Variants in BPIFA2 observed in about 807,000 individuals in gnomAD.
The protein encoded by BPIFA2 is BPI fold-containing family A member 2.
In BPIFA2, 20 loss-of-function variants were observed where a neutral mutation model predicts 25.7. The observed-to-expected ratio is 0.78, with a 90% confidence interval of 0.55 to 1.13. The LOEUF (loss-of-function observed/expected upper bound fraction) is 1.13. Among genes scored for constraint, BPIFA2 ranks in the 50% most tolerant of loss-of-function variants. The pLI is 0.00. For missense variants in BPIFA2, 300 were observed against 298.1 expected (o/e 1.01, Z -0.05); for synonymous variants, 126 against 124.3 (o/e 1.01, Z -0.09).
chr20:33,163,218 T>A (rs1037908008), upstream of BPIFA2, among the ~76,000 whole-genome samples: 1 of 152,178 alleles, frequency 6.6e-6, no homozygotes, highest in African/African-American at 2.4e-5. Flanking sequence ...CTGGGTCTCA[T>A]CTACATTCAT....
chr20:33,178,280 G>A (rs748022397), intron 6 of BPIFA2, 52 bp downstream of exon 6: 12 of 1,415,382 alleles, frequency 8.5e-6, no homozygotes, highest in Non-Finnish European at 8.9e-6. Flanking sequence ...GGGGCAGGTG[G>A]GGGAATTTGC....
intron 5 of BPIFA2, 75 bp from the exon 6 acceptor site, chr20:33,178,072 C>T (rs907450806): frequency 5.4e-6 from 6 of 1,112,706 alleles, no homozygotes; most frequent in African/African-American, 3.1e-5. Context: ...TTTCCCGCAC[C>T]GCCCCCAACT....
At chr20:33,171,249 G>GTT (rs541002599) in intron 2 of BPIFA2, among the ~76,000 whole-genome samples, 1 of 151,442 alleles carries the variant, frequency 6.6e-6, no homozygotes. Flanking sequence ...ATTTAAAGTA[G>GTT]TTTTTTTTTC....
intron 5 of BPIFA2, among the ~76,000 whole-genome samples, chr20:33,177,860 G>A (rs1156352274): frequency 6.6e-6 from 1 of 152,214 alleles, no homozygotes; most frequent in African/African-American, 2.4e-5. Flanking sequence ...TCAGGGCCCA[G>A]CTAGGTTCCT....
chr20:33,166,473 T>G (rs1016721608), upstream of BPIFA2, among the ~76,000 whole-genome samples: 3 of 152,222 alleles, frequency 2.0e-5, no homozygotes, highest in Admixed American at 1.3e-4. Context: ...GGGCCTACCC[T>G]ATGCTAAGCC....
At chr20:33,178,388 G>A (rs1439765253) in intron 6 of BPIFA2, among the ~76,000 whole-genome samples, 160 bp downstream of exon 6, 2 of 152,146 alleles carry the variant, frequency 1.3e-5, no homozygotes, top group East Asian at 1.9e-4. Context: ...CAGCCTGGTG[G>A]GTAGCAGGGT....
intron 5 of BPIFA2, among the ~76,000 whole-genome samples, chr20:33,177,216 G>A (rs1984108849): frequency 6.6e-6 from 1 of 152,086 alleles, no homozygotes; most frequent in Non-Finnish European, 1.5e-5. Context: ...TTAGCCGGGG[G>A]TGGTGGCGGT....
chr20:33,178,921 G>C (rs1415182173), intron 6 of BPIFA2, among the ~76,000 whole-genome samples: 1 of 152,176 alleles, frequency 6.6e-6, no homozygotes, highest in Admixed American at 6.5e-5. Context: ...GTACACACAG[G>C]AGCAAGAGAT....
rs918402037 is a variant in BPIFA2, at chr20:33,173,190, G to A, written c.302+114G>A. On this transcript the variant is annotated intron_variant, in intron 3 of 8. Coordinates refer to ENST00000354932, the MANE Select transcript of BPIFA2 (RefSeq NM_080574.4). ...GGACAAGCCTCATTCCCCTCCCACA[G>A]AGCCAAGGTGGTCTGAGCAAGGCCA... 5 of 1,326,136 alleles carry A rather than the reference G, an allele frequency of 3.8e-6. No individual in the cohort carries two copies. In the African/African-American group the frequency reaches 4.4e-5, roughly 12 times the overall value. 82.1% of individuals were successfully genotyped at this position (1,326,136 alleles called of 1,614,324 possible). A position where few individuals can be genotyped will look rare whatever the true frequency, so the allele number is the denominator to read the frequency against.
chr20:33,172,829 G>A, intron 2 of BPIFA2, 103 bp from the exon 3 acceptor site: 1 of 1,276,250 alleles, frequency 7.8e-7, no homozygotes, highest in Non-Finnish European at 1.1e-6. Context: ...TTGTTATAAA[G>A]ATTAAATGAA....
chr20:33,169,286 T>G lies in BPIFA2; in HGVS notation c.141T>G (p.Val47=). The G allele has an allele frequency of 6.2e-7, 1 of 1,614,072 alleles. No individual in the cohort carries two copies. The highest frequency in any genetic ancestry group is 2.2e-5 in the East Asian group (1 of 44,888). Reference sequence around the variant, plus strand: ...TTCTTCACGAGGGACTTGAGACAGTTGACAATACTCTTAAAGGTAAATCAA... The same window carrying G: ...TTCTTCACGAGGGACTTGAGACAGTGGACAATACTCTTAAAGGTAAATCAA... ...EPVLHEGLET[V]DNTLKGILEK... Residue 47 remains valine, a synonymous_variant, in exon 2 of 9, where the codon GTT becomes GTG. Transcript: ENST00000354932.
intron 1 of BPIFA2, among the ~76,000 whole-genome samples, chr20:33,162,279 C>A (rs760309483): frequency 2.0e-5 from 3 of 152,206 alleles, no homozygotes; most frequent in Non-Finnish European, 2.9e-5. Flanking sequence ...CTGTGCCCAG[C>A]CTCTCCCATG....
At chr20:33,175,154 CTAT>C (rs1984030532) in intron 4 of BPIFA2, among the ~76,000 whole-genome samples, 1 of 152,100 alleles carries the variant, frequency 6.6e-6, no homozygotes, top group Admixed American at 6.5e-5. Context: ...TAAATGTTAA[CTAT>C]TATTATTTTA....
At chr20:33,170,438 G>T (rs1304310520) in intron 2 of BPIFA2, among the ~76,000 whole-genome samples, 1 of 151,976 alleles carries the variant, frequency 6.6e-6, no homozygotes, top group Non-Finnish European at 1.5e-5. Flanking sequence ...TTGAGACAAG[G>T]TCTCACTCTG....
chr20:33,168,619 G>A lies in BPIFA2; in HGVS notation c.-16+410G>A, dbSNP rs565797139. Reference sequence around the variant, plus strand: ...TACTAGGTGCAGGCTTTTTACTGGCGCCTGAGGATTCGACAGTGAAATAAG... The same window carrying A: ...TACTAGGTGCAGGCTTTTTACTGGCACCTGAGGATTCGACAGTGAAATAAG... On this transcript the variant is annotated intron_variant, in intron 1 of 8. Transcript: ENST00000354932. Among the ~76,000 whole-genome samples, 17 of 152,298 alleles carry A rather than the reference G, an allele frequency of 1.1e-4. No homozygotes were observed. The South Asian group carries it at 1.7e-3, about 15-fold the overall frequency.
At chr20:33,167,411 G>C (rs773576754), upstream of BPIFA2, among the ~76,000 whole-genome samples, 1 of 152,156 alleles carries the variant, frequency 6.6e-6, no homozygotes, top group Non-Finnish European at 1.5e-5. Context: ...TCTGCTAACT[G>C]ACCTCAGCCT....
chr20:33,177,711 T>C (rs1984130168), intron 5 of BPIFA2, among the ~76,000 whole-genome samples: 1 of 151,936 alleles, frequency 6.6e-6, no homozygotes, highest in South Asian at 2.1e-4. Flanking sequence ...CCTGAGGAGG[T>C]GGCAATTATA....
intron 5 of BPIFA2, 69 bp from the exon 6 acceptor site, chr20:33,178,078 C>T: frequency 8.0e-7 from 1 of 1,244,276 alleles, no homozygotes. Context: ...GCACCGCCCC[C>T]AACTTTTTGG....
At chr20:33,166,589 C>G (rs1392498288), upstream of BPIFA2, among the ~76,000 whole-genome samples, 1 of 152,192 alleles carries the variant, frequency 6.6e-6, no homozygotes, top group African/African-American at 2.4e-5. Flanking sequence ...AAGGTGCGGT[C>G]TCTGGCCCAG....
Sources: gnomAD v4.1 joint callset for allele counts (sites outside exome capture counted in the v4.1 genomes callset) on GRCh38, gnomAD v4.1.1 for gene constraint, MANE v1.5 for transcripts, NCBI Gene and HGNC (gene_info 2026-07-23, HGNC 2026-07-21) for gene names.